The following PLCB1 variants were observed in gnomAD, a reference collection of about 807,000 sequenced individuals.
PLCB1 encodes 1-phosphatidylinositol 4,5-bisphosphate phosphodiesterase beta-1.
Under a neutral mutation model 161.8 loss-of-function variants are expected in PLCB1, and 46 were observed. The observed-to-expected ratio is 0.28, with a 90% CI of 0.22 to 0.36. PLCB1 has a LOEUF of 0.36. Among genes scored for constraint, PLCB1 ranks in the 10% least tolerant of loss-of-function variants. The probability of loss-of-function intolerance (pLI) is 1.00; values close to 1 mark genes in which losing one functional copy is unlikely to be tolerated. For missense variants in PLCB1, 1,016 were observed against 1,472.5 expected, an observed-to-expected ratio of 0.69 and a Z score of 5.07; for synonymous variants, 517 against 503.7, an observed-to-expected ratio of 1.03 and a Z score of -0.35.
intron 31 of PLCB1, among the ~76,000 whole-genome samples, chr20:8,805,286 C>T (rs1018273398): frequency 8.0e-4 from 122 of 151,914 alleles, no homozygotes; most frequent in African/African-American, 2.6e-3. Flanking sequence ...CACTGTAGAG[C>T]GAGATATAAA....
intron 4 of PLCB1, among the ~76,000 whole-genome samples, chr20:8,645,223 T>C (rs1989133159): frequency 6.6e-6 from 1 of 150,892 alleles, no homozygotes; most frequent in African/African-American, 2.4e-5. Flanking sequence ...TGTTCACTTG[T>C]TTATCTGCTG....
intron 2 of PLCB1, among the ~76,000 whole-genome samples, chr20:8,367,936 G>C (rs1014156269): frequency 6.6e-5 from 10 of 152,138 alleles, no homozygotes; most frequent in African/African-American, 2.4e-4. Context: ...TCGCTTTGTA[G>C]CCAAATGAGT....
At chr20:8,357,864 T>C (rs1168823927) in intron 2 of PLCB1, among the ~76,000 whole-genome samples, 2 of 152,148 alleles carry the variant, frequency 1.3e-5, no homozygotes, top group Non-Finnish European at 2.9e-5. Context: ...GTGGTTTTCT[T>C]TCTGGCAGCA....
chr20:8,407,955 A>G lies in PLCB1; in HGVS notation c.246+36505A>G, dbSNP rs918970140. On this transcript the variant is annotated intron_variant, in intron 3 of 31. Transcript: ENST00000338037. ...TTTTCAAAAACAAGGAAAGTCTGAGAAAACTCGTGGTATAGGGGAACGTAA... is the reference window on the plus strand; with the variant it reads ...TTTTCAAAAACAAGGAAAGTCTGAGGAAACTCGTGGTATAGGGGAACGTAA... Among the ~76,000 whole-genome samples, 154 of 152,338 alleles carry G rather than the reference A, an allele frequency of 1.0e-3. 2 individuals are homozygous for G. The highest frequency in any genetic ancestry group is 6.3e-4 in the Non-Finnish European group (43 of 68,026).
At chr20:8,370,181 G>T (rs190283332) in intron 2 of PLCB1, among the ~76,000 whole-genome samples, 1 of 152,164 alleles carries the variant, frequency 6.6e-6, no homozygotes, top group East Asian at 1.9e-4. Flanking sequence ...TAAGACAACT[G>T]CTCACTGCAC....
chr20:8,384,832 A>G (rs1200698580), intron 3 of PLCB1, among the ~76,000 whole-genome samples: 1 of 152,046 alleles, frequency 6.6e-6, no homozygotes, highest in African/African-American at 2.4e-5. Context: ...GGCCCTATTC[A>G]TCTGGTTTGC....
chr20:8,742,613 G>A (rs1980942018), intron 23 of PLCB1, among the ~76,000 whole-genome samples: 1 of 152,098 alleles, frequency 6.6e-6, no homozygotes, highest in African/African-American at 2.4e-5. Flanking sequence ...ATGCACAATT[G>A]TTACTCTTTC....
At chr20:8,610,258 T>G (rs1987868797) in intron 3 of PLCB1, among the ~76,000 whole-genome samples, 2 of 152,232 alleles carry the variant, frequency 1.3e-5, no homozygotes, top group Admixed American at 1.3e-4. Context: ...GTGACTGGCT[T>G]CTTTCACTTA....
rs1436694041 is a variant in PLCB1, at chr20:8,132,698, T to A, written c.47T>A (p.Val16Glu). ...GTGCACGCCTTGCAACTCAAGCCCG[T>A]GTGCGTGTCCGACAGCCTCAAGAAG... ...PGVHALQLKP[V>E]CVSDSLKKGT... The change falls in exon 1 of 32, where the codon GTG becomes GAG. Residue 16 changes from valine (V) to glutamate (E), a missense_variant. By Grantham distance (121) the Val-to-Glu change is moderately radical. This residue lies in a region of PLCB1 where 181 missense variants were observed against 236.7 expected (regional missense o/e 0.76). Coordinates refer to ENST00000338037, the MANE Select transcript of PLCB1 (RefSeq NM_015192.4). This position sits in a 1 kb window ranked among gnomAD's most constrained non-coding sequence, Gnocchi z 5.2. 1 of 1,613,014 alleles carries A rather than the reference T, an allele frequency of 6.2e-7. No individual in the cohort carries two copies. Among genetic ancestry groups the A allele is most frequent in the Non-Finnish European group, 8.5e-7 (1 of 1,179,390 alleles).
intron 2 of PLCB1, among the ~76,000 whole-genome samples, chr20:8,336,525 A>G (rs536543990): frequency 1.8e-4 from 27 of 152,290 alleles, no homozygotes; most frequent in Non-Finnish European, 3.4e-4. Context: ...TTTAGTATTC[A>G]TGCACATCTC....
chr20:8,390,939 G>A (rs191704184), intron 3 of PLCB1, among the ~76,000 whole-genome samples: 185 of 150,936 alleles, frequency 1.2e-3, no homozygotes, highest in African/African-American at 4.1e-3. Context: ...ATCTAGTTGC[G>A]GTAAGGACTA....
chr20:8,251,991 T>C (rs1033077338), intron 2 of PLCB1, among the ~76,000 whole-genome samples: 1 of 151,968 alleles, frequency 6.6e-6, no homozygotes, highest in African/African-American at 2.4e-5. Flanking sequence ...TAGGAAGCCC[T>C]GAAGGACCTA....
At chr20:8,175,832 C>T (rs775213356) in intron 2 of PLCB1, among the ~76,000 whole-genome samples, 5 of 151,908 alleles carry the variant, frequency 3.3e-5, no homozygotes, top group Admixed American at 6.6e-5. Flanking sequence ...AACAAAAAAC[C>T]TAAACCAAAC....
chr20:8,770,187 C>G (rs552211778), intron 26 of PLCB1, among the ~76,000 whole-genome samples: 10 of 152,166 alleles, frequency 6.6e-5, no homozygotes, highest in African/African-American at 2.2e-4. Flanking sequence ...CTCCTGACCT[C>G]GTGATCCGCC....
At chr20:8,522,805 A>G (rs1380646248) in intron 3 of PLCB1, among the ~76,000 whole-genome samples, 1 of 152,222 alleles carries the variant, frequency 6.6e-6, no homozygotes, top group African/African-American at 2.4e-5. Context: ...TATTTCAAAC[A>G]TAGGAGGATA....
At chr20:8,345,992 C>G (rs1985989075) in intron 2 of PLCB1, among the ~76,000 whole-genome samples, 1 of 152,150 alleles carries the variant, frequency 6.6e-6, no homozygotes, top group South Asian at 2.1e-4. Flanking sequence ...ATGGTCCTCA[C>G]ATAAAGTAAA....
chr20:8,361,547 G>C (rs554873865), intron 2 of PLCB1, among the ~76,000 whole-genome samples: 1 of 152,228 alleles, frequency 6.6e-6, no homozygotes, highest in Non-Finnish European at 1.5e-5. Context: ...TTTTTCACTT[G>C]TTCCCAAATG....
At chr20:8,621,167 A>T (rs770273586) in intron 3 of PLCB1, among the ~76,000 whole-genome samples, 1 of 152,202 alleles carries the variant, frequency 6.6e-6, no homozygotes, top group East Asian at 1.9e-4. Context: ...AATGCTTTTC[A>T]TGCTTTGTCG....
chr20:8,424,832 A>G (rs1445210385), intron 3 of PLCB1, among the ~76,000 whole-genome samples: 1 of 152,154 alleles, frequency 6.6e-6, no homozygotes, highest in East Asian at 1.9e-4. Context: ...AGGAACAAAG[A>G]AGGAAAGCAG....
Sources: allele counts gnomAD v4.1 joint callset (sites outside exome capture counted in the v4.1 genomes callset), GRCh38; gene constraint gnomAD v4.1.1; regional missense constraint gnomAD v4.1.1; non-coding constraint Gnocchi (gnomAD v3.1); transcripts MANE v1.5; gene names NCBI Gene and HGNC (gene_info 2026-07-23, HGNC 2026-07-21).